ZSCAN25: variants seen among roughly 807,000 people sequenced by gnomAD.
ZSCAN25 encodes zinc finger and SCAN domain containing 25.
In ZSCAN25, 27 loss-of-function variants were observed where a neutral mutation model predicts 38.7. That is an observed-to-expected ratio of 0.70 (90% CI 0.51 to 0.96). The LOEUF (loss-of-function observed/expected upper bound fraction) is 0.96, where lower values mean the gene tolerates loss of function less well. Among genes scored for constraint, ZSCAN25 ranks in the 40% least tolerant of loss-of-function variants. The pLI, the probability that ZSCAN25 is intolerant of heterozygous loss-of-function variation, is 0.00. For synonymous variants in ZSCAN25, 273 were observed against 277.7 expected (o/e 0.98, Z 0.17); for missense variants, 637 against 705.9 (o/e 0.90, Z 1.11).
At chr7:99,734,888 TG>T in the ZSCAN25 span, 1 of 1,358,068 alleles carries the variant, frequency 7.4e-7, no homozygotes, top group Non-Finnish European at 1.0e-6. Context: ...CCCAAAGTTC[TG>T]GGATGACAGG....
intron 7 of ZSCAN25, 103 bp downstream of exon 7, chr7:99,624,283 C>A: frequency 6.6e-7 from 1 of 1,511,580 alleles, no homozygotes; most frequent in Non-Finnish European, 9.1e-7. Flanking sequence ...AAGGGGACTT[C>A]ATGGCAGGCG....
At chr7:99,675,244 C>G in the ZSCAN25 span, among the ~76,000 whole-genome samples, 2 of 152,210 alleles carry the variant, frequency 1.3e-5, no homozygotes, top group African/African-American at 2.4e-5. Context: ...TCTGAGCTTT[C>G]ACTTCTGAAA....
the ZSCAN25 span, chr7:99,710,921 A>G: frequency 6.2e-7 from 1 of 1,613,354 alleles, no homozygotes; most frequent in Non-Finnish European, 8.5e-7. Flanking sequence ...CATTTTAGGT[A>G]AATCAGGTCA....
chr7:99,691,189 A>G, the ZSCAN25 span, among the ~76,000 whole-genome samples: 2 of 152,130 alleles, frequency 1.3e-5, no homozygotes, highest in African/African-American at 4.8e-5. Flanking sequence ...AAACTATCGC[A>G]AGGACAAAAA....
chr7:99,627,801 A>G (rs958881027), intron 7 of ZSCAN25, among the ~76,000 whole-genome samples: 4 of 151,898 alleles, frequency 2.6e-5, no homozygotes, highest in Non-Finnish European at 4.4e-5. Context: ...TATATTGTAT[A>G]TACTGTATAC....
the ZSCAN25 span, among the ~76,000 whole-genome samples, chr7:99,639,968 G>A: frequency 6.6e-6 from 1 of 152,170 alleles, no homozygotes; most frequent in Non-Finnish European, 1.5e-5. Flanking sequence ...TCAAGAGGTT[G>A]AGGTGGGAGG....
chr7:99,692,685 A>G, the ZSCAN25 span, among the ~76,000 whole-genome samples: 1 of 152,070 alleles, frequency 6.6e-6, no homozygotes, highest in Non-Finnish European at 1.5e-5. Context: ...AGTTGATCGA[A>G]TCGGCTATTG....
At chr7:99,646,290 C>A in the ZSCAN25 span, among the ~76,000 whole-genome samples, 5 of 152,080 alleles carry the variant, frequency 3.3e-5, 1 homozygote, top group Non-Finnish European at 1.5e-5. Context: ...CAATTTCTTT[C>A]ATCGGTGTTT....
At chr7:99,691,011 C>T in the ZSCAN25 span, among the ~76,000 whole-genome samples, 1 of 152,132 alleles carries the variant, frequency 6.6e-6, no homozygotes, top group Non-Finnish European at 1.5e-5. Flanking sequence ...TATTGTGGCA[C>T]TATTCACAAT....
At chr7:99,679,619 A>G in the ZSCAN25 span, among the ~76,000 whole-genome samples, 1 of 152,148 alleles carries the variant, frequency 6.6e-6, no homozygotes, top group South Asian at 2.1e-4. Context: ...AGTCACCAAA[A>G]TTAGAAGGTG....
the ZSCAN25 span, chr7:99,685,342 TG>T: frequency 2.1e-6 from 3 of 1,438,310 alleles, no homozygotes; most frequent in Non-Finnish European, 2.9e-6. Context: ...ACATAGTTTG[TG>T]ACCATTACAA....
chr7:99,624,121 C>T lies in ZSCAN25; in HGVS notation c.746C>T (p.Pro249Leu). ...GAGGAGGAGTGGAGGCATGTGACCCCAGCCCAGATAGACTGCTTTGGGGAG... is the reference window on the plus strand; with the variant it reads ...GAGGAGGAGTGGAGGCATGTGACCCTAGCCCAGATAGACTGCTTTGGGGAG... ...FPEEEWRHVTPAQIDCFGEYV... is the reference protein window; with the variant it reads ...FPEEEWRHVTLAQIDCFGEYV... Residue 249 changes from proline (P) to leucine (L), a missense_variant, in exon 7 of 8, where the codon CCA becomes CTA. Coordinates refer to ENST00000394152, the MANE Select transcript of ZSCAN25 (RefSeq NM_145115.3). The T allele has an allele frequency of 6.2e-7, 1 of 1,614,114 alleles. No individual in the cohort carries two copies. Among genetic ancestry groups the T allele is most frequent in the African/African-American group, 1.3e-5 (1 of 75,054 alleles).
the ZSCAN25 span, chr7:99,659,533 TGAG>T: frequency 0.029 from 4,457 of 154,888 alleles, 207 homozygotes; most frequent in African/African-American, 0.1. Context: ...GGGACCCACT[TGAG>T]GAGGCAGTCT....
At chr7:99,617,241 G>A (rs984606664) in intron 1 of ZSCAN25, among the ~76,000 whole-genome samples, 4 of 152,238 alleles carry the variant, frequency 2.6e-5, no homozygotes, top group Non-Finnish European at 4.4e-5. Context: ...TGTAGGCTCA[G>A]GTAGGAGCGA....
chr7:99,704,543 G>C, the ZSCAN25 span, among the ~76,000 whole-genome samples: 2 of 151,986 alleles, frequency 1.3e-5, no homozygotes, highest in Non-Finnish European at 2.9e-5. Context: ...TGCCTGCCTT[G>C]GCCTCCCAAA....
the ZSCAN25 span, chr7:99,710,691 G>C: frequency 2.5e-6 from 4 of 1,613,336 alleles, no homozygotes; most frequent in Admixed American, 1.7e-5. Context: ...CTTTGCTAAG[G>C]CTTCACCTCC....
chr7:99,698,762 C>CGG, the ZSCAN25 span, among the ~76,000 whole-genome samples: 1 of 152,036 alleles, frequency 6.6e-6, no homozygotes, highest in Non-Finnish European at 1.5e-5. Flanking sequence ...CTTTCATCAT[C>CGG]CAGAAGGAAC....
At chr7:99,683,494 T>C in the ZSCAN25 span, among the ~76,000 whole-genome samples, 1 of 152,256 alleles carries the variant, frequency 6.6e-6, no homozygotes, top group Non-Finnish European at 1.5e-5. Flanking sequence ...GGATTCCTGC[T>C]AGTTTTCTCC....
chr7:99,646,002 T>G, the ZSCAN25 span, among the ~76,000 whole-genome samples: 1 of 152,172 alleles, frequency 6.6e-6, no homozygotes, highest in African/African-American at 2.4e-5. Context: ...CCAGGCTGTT[T>G]TGGTTACTAT....
Sources: gnomAD v4.1 joint callset for allele counts (sites outside exome capture counted in the v4.1 genomes callset) on GRCh38, gnomAD v4.1.1 for gene constraint, MANE v1.5 for transcripts, NCBI Gene and HGNC (gene_info 2026-07-23, HGNC 2026-07-21) for gene names.